Variants in ABCB1 observed in about 807,000 individuals in gnomAD.
The protein encoded by ABCB1 is ATP-dependent translocase ABCB1.
In ABCB1, 69 loss-of-function variants were observed where a neutral mutation model predicts 142.0. That is an observed-to-expected ratio of 0.49 (90% CI 0.40 to 0.59). ABCB1 has a LOEUF of 0.59. Ranked by LOEUF, ABCB1 falls within the 20% of genes least tolerant of loss-of-function variation. The pLI, the probability that ABCB1 is intolerant of heterozygous loss-of-function variation, is 0.00. For synonymous variants in ABCB1, 532 were observed against 539.2 expected, an observed-to-expected ratio of 0.99 and a Z score of 0.18; for missense variants, 1,326 against 1,554.7, an observed-to-expected ratio of 0.85 and a Z score of 2.47.
At chr7:87,596,259 C>A (rs963824361) in intron 2 of ABCB1, among the ~76,000 whole-genome samples, 6 of 151,970 alleles carry the variant, frequency 3.9e-5, no homozygotes, top group African/African-American at 1.4e-4. Flanking sequence ...ATCCACTACC[C>A]AGATATTATT....
rs1422844239 is a variant in ABCB1 at position 87,509,491 on chromosome 7, A to G, written c.3283-10T>C. 4 of 1,613,714 alleles carry G rather than the reference A, an allele frequency of 2.5e-6. No individual in the cohort carries two copies. The highest frequency in any genetic ancestry group is 3.4e-6 in the Non-Finnish European group (4 of 1,179,906). On this transcript the variant is annotated splice_polypyrimidine_tract_variant and intron_variant, in intron 25 of 27. Coordinates refer to ENST00000622132, the MANE Select transcript of ABCB1 (RefSeq NM_001348946.2). Reference sequence around the variant, plus strand: ...CTTTGCCATCAAGCAGCTGAAAACAAGAGTTCACAGATCAACTTCAGGACC... The same window carrying G: ...CTTTGCCATCAAGCAGCTGAAAACAGGAGTTCACAGATCAACTTCAGGACC...
At chr7:87,602,857 G>C (rs747768388), upstream of ABCB1, 1 of 152,162 alleles carries the variant, frequency 6.6e-6, no homozygotes, top group Non-Finnish European at 1.5e-5. Context: ...AACAGTCCTT[G>C]GTTTCTTGAA....
intron 21 of ABCB1, 189 bp from the exon 22 acceptor site, chr7:87,521,065 G>A: frequency 1.0e-5 from 6 of 580,594 alleles, no homozygotes; most frequent in Non-Finnish European, 1.8e-5. Flanking sequence ...AAGGAAGATT[G>A]ACTAATTCAA....
chr7:87,531,721 A>C (rs1235568514), intron 20 of ABCB1: 6 of 534,456 alleles, frequency 1.1e-5, no homozygotes, highest in Non-Finnish European at 2.0e-5. Flanking sequence ...TCAATTACAT[A>C]TTCCTATCTC....
upstream of ABCB1, among the ~76,000 whole-genome samples, chr7:87,605,686 A>C (rs17328198): frequency 0.03 from 4,578 of 152,230 alleles, 64 homozygotes; most frequent in Middle Eastern, 0.048. Flanking sequence ...TGCTCAAAAG[A>C]CTTGATTTCT....
At chr7:87,711,514 G>A (rs551839514) in intron 1 of ABCB1, among the ~76,000 whole-genome samples, 133 of 152,004 alleles carry the variant, frequency 8.7e-4, no homozygotes, top group South Asian at 1.7e-3. Flanking sequence ...TACATATTAG[G>A]ACAACAGTCA....
At chr7:87,533,958 A>C (rs537447926) in intron 20 of ABCB1, among the ~76,000 whole-genome samples, 107 of 152,280 alleles carry the variant, frequency 7.0e-4, no homozygotes, top group African/African-American at 2.4e-3. Context: ...TGGCAGGGCC[A>C]AGTTTGAGGT....
At chr7:87,540,743 C>T (rs992361359) in intron 18 of ABCB1, among the ~76,000 whole-genome samples, 5 of 152,346 alleles carry the variant, frequency 3.3e-5, no homozygotes, top group Admixed American at 3.3e-4. Flanking sequence ...AGCCACCACA[C>T]CTGGCCCTCA....
chr7:87,595,386 A>G (rs1478792194), intron 3 of ABCB1, among the ~76,000 whole-genome samples: 1 of 152,092 alleles, frequency 6.6e-6, no homozygotes, highest in Non-Finnish European at 1.5e-5. Flanking sequence ...TAAATAATCC[A>G]TTGCTAACTT....
chr7:87,527,995 G>C (rs1815867035), intron 21 of ABCB1, among the ~76,000 whole-genome samples: 1 of 152,166 alleles, frequency 6.6e-6, no homozygotes, highest in African/African-American at 2.4e-5. Context: ...TGAAGGAAGA[G>C]CAGAGGGACA....
chr7:87,582,065 A>C (rs1818533677), intron 4 of ABCB1, among the ~76,000 whole-genome samples: 1 of 152,194 alleles, frequency 6.6e-6, no homozygotes, highest in Non-Finnish European at 1.5e-5. Flanking sequence ...TCTGCAGACA[A>C]GCAGATTAGT....
chr7:87,597,983 A>G (rs1167706566), intron 2 of ABCB1, among the ~76,000 whole-genome samples: 13 of 152,012 alleles, frequency 8.6e-5, no homozygotes, highest in Admixed American at 8.5e-4. Flanking sequence ...TTTAACATTG[A>G]CTTTTGTAAA....
intron 23 of ABCB1, among the ~76,000 whole-genome samples, chr7:87,518,140 C>G (rs1341599718): frequency 6.6e-6 from 1 of 152,170 alleles, no homozygotes. Flanking sequence ...CCTCTGGACT[C>G]TATGCCTATG....
intron 1 of ABCB1, chr7:87,709,140 C>A: frequency 5.0e-6 from 2 of 400,756 alleles, no homozygotes; most frequent in Non-Finnish European, 6.8e-6. Context: ...ATTCCATACA[C>A]ATTCAAATAC....
chr7:87,669,942 G>A (rs116792269), intron 1 of ABCB1, among the ~76,000 whole-genome samples: 167 of 152,268 alleles, frequency 1.1e-3, no homozygotes, highest in African/African-American at 3.9e-3. Flanking sequence ...CTGATGACAT[G>A]TGTTTTGGGG....
At chr7:87,565,566 T>C (rs1017743455) in intron 7 of ABCB1, 4 of 399,782 alleles carry the variant, frequency 1.0e-5, no homozygotes, top group Non-Finnish European at 2.0e-5. Context: ...AATTTAACTG[T>C]GTTTGAATGC....
intron 1 of ABCB1, among the ~76,000 whole-genome samples, chr7:87,619,356 T>G (rs566785703): frequency 1.3e-5 from 2 of 152,122 alleles, no homozygotes; most frequent in South Asian, 2.1e-4. Flanking sequence ...CTGGCCAACA[T>G]GCCGAAACCC....
chr7:87,656,159 A>G (rs542856082), intron 1 of ABCB1, among the ~76,000 whole-genome samples: 1 of 152,240 alleles, frequency 6.6e-6, no homozygotes, highest in East Asian at 1.9e-4. Flanking sequence ...GGTAATATGT[A>G]TATTAATTTG....
At chr7:87,517,639 C>T (rs1023227693) in intron 23 of ABCB1, among the ~76,000 whole-genome samples, 2 of 152,120 alleles carry the variant, frequency 1.3e-5, no homozygotes, top group African/African-American at 2.4e-5. Flanking sequence ...TAATCAACAA[C>T]GGATACAGTC....
Sources: gnomAD v4.1 joint callset for allele counts (sites outside exome capture counted in the v4.1 genomes callset) on GRCh38, gnomAD v4.1.1 for gene constraint, MANE v1.5 for transcripts, NCBI Gene and HGNC (gene_info 2026-07-23, HGNC 2026-07-21) for gene names.